ADCY2: variants seen among roughly 807,000 people sequenced by gnomAD.
ADCY2 encodes adenylate cyclase 2, also known as adenylate cyclase type 2.
In ADCY2, 31 loss-of-function variants were observed where a neutral mutation model predicts 125.2. The ratio of observed to expected loss-of-function variants is 0.25; its 90% CI spans 0.19 to 0.33. The LOEUF (loss-of-function observed/expected upper bound fraction) is 0.33, where lower values mean the gene tolerates loss of function less well. Ranked by LOEUF, ADCY2 falls within the 10% of genes least tolerant of loss-of-function variation. The probability of loss-of-function intolerance (pLI) is 1.00; values close to 1 mark genes in which losing one functional copy is unlikely to be tolerated. For synonymous variants in ADCY2, 512 were observed against 548.4 expected, an observed-to-expected ratio of 0.93 and a Z score of 0.93; for missense variants, 904 against 1,418.2, an observed-to-expected ratio of 0.64 and a Z score of 5.82.
At chr5:7,817,602 A>G (rs116085847) in intron 23 of ADCY2, among the ~76,000 whole-genome samples, 3,073 of 152,200 alleles carry the variant, frequency 0.02, 113 homozygotes, top group African/African-American at 0.07. Context: ...TGAGGTGGGA[A>G]GATCACTTGA....
chr5:7,514,575 G>A (rs1744188290), intron 2 of ADCY2, among the ~76,000 whole-genome samples: 1 of 152,166 alleles, frequency 6.6e-6, no homozygotes, highest in Non-Finnish European at 1.5e-5. Flanking sequence ...ATATATTGAA[G>A]TCCTAATCCG....
intron 15 of ADCY2, among the ~76,000 whole-genome samples, chr5:7,746,928 A>T (rs1742643831): frequency 6.6e-6 from 1 of 152,120 alleles, no homozygotes; most frequent in South Asian, 2.1e-4. Flanking sequence ...TGCTTGTTTT[A>T]CAACTGGCCT....
chr5:7,764,151 A>C (rs1743315021), intron 16 of ADCY2, among the ~76,000 whole-genome samples: 1 of 152,200 alleles, frequency 6.6e-6, no homozygotes, highest in Non-Finnish European at 1.5e-5. Flanking sequence ...TATCTTAAAC[A>C]CTTGATGTTT....
intron 24 of ADCY2, among the ~76,000 whole-genome samples, chr5:7,824,562 T>C (rs948829847): frequency 3.3e-5 from 5 of 152,180 alleles, no homozygotes; most frequent in East Asian, 1.9e-4. Flanking sequence ...TCAGCTCTTA[T>C]CCAGTACACA....
chr5:7,455,382 C>T (rs968940795), intron 2 of ADCY2, among the ~76,000 whole-genome samples: 6 of 152,100 alleles, frequency 3.9e-5, no homozygotes, highest in South Asian at 2.1e-4. Context: ...TGCAACACAG[C>T]TGATGAAAGT....
chr5:7,662,274 T>G (rs1453005069), intron 4 of ADCY2, among the ~76,000 whole-genome samples: 2 of 152,206 alleles, frequency 1.3e-5, no homozygotes, highest in Admixed American at 1.3e-4. Context: ...CAAGCAAATG[T>G]GCAAAATTTA....
intron 2 of ADCY2, among the ~76,000 whole-genome samples, chr5:7,518,557 A>G (rs918550207): frequency 1.2e-4 from 18 of 152,204 alleles, no homozygotes; most frequent in African/African-American, 3.9e-4. Context: ...AATATTTACC[A>G]GAAAAAAATA....
rs753326043 is a variant in ADCY2 at position 7,724,594 on chromosome 5, A to G, written c.1753A>G (p.Asn585Asp). 4.4e-6 allele frequency: 7 copies of G among 1,586,974 alleles called. No homozygotes were observed. The highest frequency in any genetic ancestry group is 1.4e-5 in the African/African-American group (1 of 72,944). Residue 585 changes from asparagine to aspartate, a missense_variant, in exon 13 of 25, where the codon AAC becomes GAC. Asn to Asp is a conservative substitution (Grantham distance 23). This residue lies in a region of ADCY2 where 144 missense variants were observed against 227.7 expected (regional missense o/e 0.63). Transcript: ENST00000338316. Reference protein sequence around the residue: ...DIQRISLLFYNKVLEKEYRAT... With the variant: ...DIQRISLLFYDKVLEKEYRAT... Reference sequence around the variant, plus strand: ...TCAGAGAATCTCACTGCTTTTCTATAACAAAGTACTAGAAAAAGAGGTAAG... The same window carrying G: ...TCAGAGAATCTCACTGCTTTTCTATGACAAAGTACTAGAAAAAGAGGTAAG...
intron 2 of ADCY2, among the ~76,000 whole-genome samples, chr5:7,509,049 G>T (rs1743956600): frequency 6.6e-6 from 1 of 152,176 alleles, no homozygotes; most frequent in South Asian, 2.1e-4. Flanking sequence ...CTTTCAGAGA[G>T]ATCCTGAAGT....
At chr5:7,541,775 A>T (rs1022457365) in intron 3 of ADCY2, among the ~76,000 whole-genome samples, 1 of 152,266 alleles carries the variant, frequency 6.6e-6, no homozygotes, top group Non-Finnish European at 1.5e-5. Flanking sequence ...AATGGAATAC[A>T]GAGTCCAAAG....
At chr5:7,761,313 C>G (rs955399340) in intron 16 of ADCY2, among the ~76,000 whole-genome samples, 1 of 151,900 alleles carries the variant, frequency 6.6e-6, no homozygotes, top group Non-Finnish European at 1.5e-5. Flanking sequence ...CTACGCCCAC[C>G]TAATTTTTGT....
At chr5:7,723,920 C>CAAAAAAAAAAAAAAAAAAA (rs70940756) in intron 12 of ADCY2, among the ~76,000 whole-genome samples, 4 of 53,722 alleles carry the variant, frequency 7.4e-5, no homozygotes, top group Admixed American at 2.5e-4. Flanking sequence ...GACTCAGTCT[C>CAAAAAAAAAAAAAAAAAAA]AAAAAAAAAA....
intron 12 of ADCY2, among the ~76,000 whole-genome samples, chr5:7,720,731 CT>C (rs1160783008): frequency 2.0e-5 from 3 of 151,968 alleles, no homozygotes; most frequent in Admixed American, 6.6e-5. Flanking sequence ...TGAACTCATC[CT>C]TTTTTATGGC....
intron 2 of ADCY2, among the ~76,000 whole-genome samples, chr5:7,453,394 A>G (rs567654347): frequency 6.6e-5 from 10 of 152,198 alleles, no homozygotes; most frequent in African/African-American, 2.2e-4. Context: ...TGCTTTGTCA[A>G]AGATCAGTGT....
At position 7,521,111 on chromosome 5, in the gene ADCY2, A is replaced by G. The variant is rs937061514; in HGVS notation, c.570+212A>G. 4.6e-5 allele frequency among the ~76,000 whole-genome samples: 7 copies of G among 152,208 alleles called. No homozygotes were observed. In the South Asian group the frequency reaches 1.5e-3, roughly 32 times the overall value. On this transcript the variant is annotated intron_variant, in intron 3 of 24. Coordinates refer to ENST00000338316, the MANE Select transcript of ADCY2 (RefSeq NM_020546.3). ...CAGTCACTTAGCAATTAGCAACTGTAAAAGTAATGGTAGCAGGAAAGTTGG... is the reference window on the plus strand; with the variant it reads ...CAGTCACTTAGCAATTAGCAACTGTGAAAGTAATGGTAGCAGGAAAGTTGG...
At chr5:7,436,306 C>T (rs1740798364) in intron 2 of ADCY2, among the ~76,000 whole-genome samples, 1 of 152,140 alleles carries the variant, frequency 6.6e-6, no homozygotes, top group Admixed American at 6.5e-5. Context: ...TTGACCATAC[C>T]TTAGCTTGGG....
intron 4 of ADCY2, among the ~76,000 whole-genome samples, chr5:7,661,673 G>A (rs1739537212): frequency 6.6e-6 from 1 of 152,190 alleles, no homozygotes; most frequent in Non-Finnish European, 1.5e-5. Flanking sequence ...CACTGACATG[G>A]AAGTTTTGAT....
In ADCY2 at chr5:7,699,673, A is replaced by G. The variant is rs111476995; in HGVS notation, c.1109+1299A>G. ...AAGATCACAGCTCACTATGGCCTCT[A>G]CCTCCTGAGCCCAGAGTAATCTGCC... On this transcript the variant is annotated intron_variant, in intron 7 of 24. Coordinates refer to ENST00000338316, the MANE Select transcript of ADCY2 (RefSeq NM_020546.3). Among the ~76,000 whole-genome samples the G allele has an allele frequency of 1.6e-3, 244 of 152,098 alleles. 2 individuals are homozygous for G. The highest frequency in any genetic ancestry group is 5.6e-3 in the African/African-American group (234 of 41,518).
intron 12 of ADCY2, among the ~76,000 whole-genome samples, chr5:7,717,927 C>T (rs937376448): frequency 6.6e-6 from 1 of 152,164 alleles, no homozygotes; most frequent in Non-Finnish European, 1.5e-5. Context: ...ACATTCCATT[C>T]CTGTTTGTTG....
Sources: gnomAD v4.1 joint callset for allele counts (sites outside exome capture counted in the v4.1 genomes callset) on GRCh38, gnomAD v4.1.1 for gene constraint, gnomAD v4.1.1 regional missense constraint, MANE v1.5 for transcripts, NCBI Gene and HGNC (gene_info 2026-07-23, HGNC 2026-07-21) for gene names.